Variants in CNTNAP2 observed in about 807,000 individuals in gnomAD.
The protein encoded by CNTNAP2 is contactin associated protein 2, also known as contactin-associated protein-like 2.
CNTNAP2 carries 98 observed loss-of-function variants against 155.2 expected under a neutral mutation model. That is an observed-to-expected ratio of 0.63 (90% CI 0.54 to 0.75). The LOEUF is 0.75. Ranked by LOEUF, CNTNAP2 falls within the 30% of genes least tolerant of loss-of-function variation. CNTNAP2 has a pLI of 0.00. For synonymous variants in CNTNAP2, 651 were observed against 631.2 expected (o/e 1.03, Z -0.47); for missense variants, 1,727 against 1,688.1 (o/e 1.02, Z -0.40).
In CNTNAP2 at chr7:146,270,492, C is replaced by T. The variant is rs149545162; in HGVS notation, c.97+153519C>T. ...CAATTTCATAATTTTTCTGATTAGCCCATTCCATTTTATTCAGTTGCTTTG... is the reference window on the plus strand; with the variant it reads ...CAATTTCATAATTTTTCTGATTAGCTCATTCCATTTTATTCAGTTGCTTTG... On this transcript the variant is annotated intron_variant, in intron 1 of 23. Coordinates refer to ENST00000361727, the MANE Select transcript of CNTNAP2 (RefSeq NM_014141.6). Among the ~76,000 whole-genome samples the T allele has an allele frequency of 3.7e-3, 563 of 152,178 alleles. 3 individuals are homozygous for T. Among genetic ancestry groups the T allele is most frequent in the Non-Finnish European group, 5.6e-3 (383 of 68,020 alleles).
intron 1 of CNTNAP2, among the ~76,000 whole-genome samples, chr7:146,153,923 G>T (rs1798087961): frequency 6.6e-6 from 1 of 152,066 alleles, no homozygotes; most frequent in Non-Finnish European, 1.5e-5. Context: ...TTTATGATCT[G>T]CTCTGCCTCT....
Position 146,350,087 on chromosome 7 carries a change from G to C in CNTNAP2, c.97+233114G>C, listed in dbSNP as rs576035288. 2.6e-5 allele frequency among the ~76,000 whole-genome samples: 4 copies of C among 151,994 alleles called. No individual in the cohort carries two copies. In the East Asian group the frequency reaches 5.8e-4, roughly 22 times the overall value. ...GTTTTCCAACTTGATTCCATTCTCC[G>C]TGTCACTTTCAGGTACACCAATCAG... On this transcript the variant is annotated intron_variant, in intron 1 of 23. Transcript: ENST00000361727.
chr7:147,990,556 G>A (rs1383658732), intron 15 of CNTNAP2, among the ~76,000 whole-genome samples: 1 of 152,016 alleles, frequency 6.6e-6, no homozygotes. Context: ...TCTTGGGGCT[G>A]GCATGTCTCT....
intron 1 of CNTNAP2, among the ~76,000 whole-genome samples, chr7:146,759,681 CAAAAAAAAAAAA>C (rs376817827): frequency 1.8e-5 from 1 of 54,600 alleles, no homozygotes; most frequent in African/African-American, 4.1e-5. Context: ...GTGAGACTGT[CAAAAAAAAAAAA>C]AAAAAAAAAA....
At chr7:146,908,191 CATT>C (rs1353667668) in intron 3 of CNTNAP2, among the ~76,000 whole-genome samples, 3 of 152,132 alleles carry the variant, frequency 2.0e-5, no homozygotes, top group Non-Finnish European at 4.4e-5. Flanking sequence ...GACTCCCAAA[CATT>C]AATAATGGGA....
chr7:147,508,859 A>T (rs1798963536), intron 11 of CNTNAP2, among the ~76,000 whole-genome samples: 1 of 152,204 alleles, frequency 6.6e-6, no homozygotes, highest in Non-Finnish European at 1.5e-5. Flanking sequence ...AGCCATGTGG[A>T]ACTGTGAGTC....
chr7:146,973,385 A>G (rs1034837645), intron 3 of CNTNAP2, among the ~76,000 whole-genome samples: 9 of 152,206 alleles, frequency 5.9e-5, no homozygotes, highest in African/African-American at 1.9e-4. Flanking sequence ...CAACTAATGG[A>G]CAGTGCAGAT....
chr7:147,572,032 G>A (rs1043144542), intron 12 of CNTNAP2, among the ~76,000 whole-genome samples: 1 of 152,168 alleles, frequency 6.6e-6, no homozygotes, highest in Non-Finnish European at 1.5e-5. Flanking sequence ...AGCTATTTCA[G>A]TTCTTCACAA....
At chr7:148,001,510 G>A (rs1441111085) in intron 15 of CNTNAP2, among the ~76,000 whole-genome samples, 5 of 152,108 alleles carry the variant, frequency 3.3e-5, no homozygotes, top group Admixed American at 6.5e-5. Flanking sequence ...AGTATAGGAC[G>A]ACTTGGTGGT....
At chr7:146,649,767 A>G (rs892946045) in intron 1 of CNTNAP2, among the ~76,000 whole-genome samples, 2 of 152,196 alleles carry the variant, frequency 1.3e-5, no homozygotes, top group African/African-American at 4.8e-5. Flanking sequence ...TAATATTCCA[A>G]CAGGCTTTTT....
intron 1 of CNTNAP2, among the ~76,000 whole-genome samples, chr7:146,120,784 G>A (rs1797550357): frequency 1.3e-5 from 2 of 152,054 alleles, no homozygotes; most frequent in South Asian, 4.1e-4. Flanking sequence ...ATTGCCTATA[G>A]TATTCAGTGT....
intron 15 of CNTNAP2, among the ~76,000 whole-genome samples, chr7:148,110,396 C>T (rs1241160281): frequency 1.3e-5 from 2 of 152,046 alleles, no homozygotes; most frequent in Admixed American, 1.3e-4. Context: ...GGTGACAGCC[C>T]AGAGCAGCCC....
chr7:146,217,698 C>T (rs1323288420), intron 1 of CNTNAP2, among the ~76,000 whole-genome samples: 2 of 152,110 alleles, frequency 1.3e-5, no homozygotes, highest in African/African-American at 4.8e-5. Flanking sequence ...TGGAAAATAT[C>T]ACAGTGGTGG....
intron 8 of CNTNAP2, among the ~76,000 whole-genome samples, chr7:147,236,471 A>G (rs546947812): frequency 1.3e-5 from 2 of 151,494 alleles, no homozygotes; most frequent in South Asian, 4.2e-4. Flanking sequence ...CATGTACTTA[A>G]TAGTCTGTAT....
rs1329896560 is a variant in CNTNAP2 at position 146,573,702 on chromosome 7, T to C, written c.98-200569T>C. Among the ~76,000 whole-genome samples, 13 of 152,340 alleles carry C rather than the reference T, an allele frequency of 8.5e-5. No homozygotes were observed. The South Asian group carries it at 1.4e-3, about 17-fold the overall frequency. On this transcript the variant is annotated intron_variant, in intron 1 of 23. Coordinates refer to ENST00000361727, the MANE Select transcript of CNTNAP2 (RefSeq NM_014141.6). The stretch of plus-strand genomic sequence containing the variant: ...GTCAGTTATTTTTACTTATCAAGCT[T>C]GCAACAGCACAGTGTGAGGATTTTG...
intron 1 of CNTNAP2, among the ~76,000 whole-genome samples, chr7:146,692,428 C>A (rs1800713595): frequency 6.6e-6 from 1 of 152,156 alleles, no homozygotes; most frequent in South Asian, 2.1e-4. Flanking sequence ...CTAATCAGTG[C>A]TTGCTAATTG....
chr7:148,281,295 G>A (rs566662865), intron 21 of CNTNAP2, among the ~76,000 whole-genome samples: 1 of 152,314 alleles, frequency 6.6e-6, no homozygotes, highest in African/African-American at 2.4e-5. Context: ...TTCTCTCAAG[G>A]AAAGTCCCCG....
intron 3 of CNTNAP2, among the ~76,000 whole-genome samples, chr7:146,938,427 A>G (rs1477754591): frequency 6.7e-6 from 1 of 150,142 alleles, no homozygotes; most frequent in Non-Finnish European, 1.5e-5. Context: ...ATGTGTGTAC[A>G]TGTATACATG....
chr7:147,910,647 A>T (rs527467532), intron 14 of CNTNAP2, among the ~76,000 whole-genome samples: 1 of 152,172 alleles, frequency 6.6e-6, no homozygotes, highest in Non-Finnish European at 1.5e-5. Flanking sequence ...CAGAAGGCAG[A>T]GGGAAAAGTA....
Sources: gnomAD v4.1 joint callset for allele counts (sites outside exome capture counted in the v4.1 genomes callset) on GRCh38, gnomAD v4.1.1 for gene constraint, MANE v1.5 for transcripts, NCBI Gene and HGNC (gene_info 2026-07-23, HGNC 2026-07-21) for gene names.